The following IL1RAPL1 variants were observed in gnomAD, a reference collection of about 807,000 sequenced individuals.
IL1RAPL1 encodes the protein interleukin-1 receptor accessory protein-like 1.
In IL1RAPL1, 3 loss-of-function variants were observed where a neutral mutation model predicts 48.4. The ratio of observed to expected loss-of-function variants is 0.06; its 90% confidence interval spans 0.03 to 0.16. The LOEUF is 0.16. Among genes scored for constraint, IL1RAPL1 ranks in the 10% least tolerant of loss-of-function variants. The probability of loss-of-function intolerance (pLI) is 1.00; values close to 1 mark genes in which losing one functional copy is unlikely to be tolerated. For missense variants in IL1RAPL1, 349 were observed against 530.6 expected (o/e 0.66, Z 3.36); for synonymous variants, 185 against 187.7 (o/e 0.99, Z 0.12).
At chrX:29,094,597 A>T (rs1928164179) in intron 2 of IL1RAPL1, among the ~76,000 whole-genome samples, 1 of 15,575 alleles carries the variant, frequency 6.4e-5, no homozygotes, top group Admixed American at 5.3e-4. Context: ...ATCTCTACTT[A>T]AAAAAAAAAA....
At chrX:28,848,462 G>A (rs1233727836) in intron 2 of IL1RAPL1, among the ~76,000 whole-genome samples, 1 of 109,233 alleles carries the variant, frequency 9.2e-6, no homozygotes, top group Non-Finnish European at 1.9e-5. Context: ...TTTCTCAACT[G>A]TGTATTTTAA....
chrX:28,651,118 A>G (rs1401584288), intron 1 of IL1RAPL1, among the ~76,000 whole-genome samples: 3 of 112,272 alleles, frequency 2.7e-5, no homozygotes, highest in Admixed American at 9.5e-5. Context: ...TATAAGCGGT[A>G]TATGAAACAT....
At chrX:29,293,537 A>C (rs1475785549) in intron 3 of IL1RAPL1, among the ~76,000 whole-genome samples, 3 of 111,716 alleles carry the variant, frequency 2.7e-5, no homozygotes, top group Non-Finnish European at 3.8e-5. Flanking sequence ...AATTAGGTGC[A>C]TAAAGTCCAA....
At chrX:29,534,784 C>T (rs921746664) in intron 5 of IL1RAPL1, among the ~76,000 whole-genome samples, 2 of 109,920 alleles carry the variant, frequency 1.8e-5, no homozygotes, top group African/African-American at 3.3e-5. Flanking sequence ...CTGGCTAACA[C>T]GGTGAAACCC....
At chrX:29,151,425 T>C (rs1433314994) in intron 2 of IL1RAPL1, among the ~76,000 whole-genome samples, 1 of 111,997 alleles carries the variant, frequency 8.9e-6, no homozygotes, top group African/African-American at 3.2e-5. Flanking sequence ...TGGCTTGGAC[T>C]CCTTACATGC....
intron 5 of IL1RAPL1, among the ~76,000 whole-genome samples, chrX:29,430,377 A>T (rs1934405810): frequency 9.0e-6 from 1 of 111,258 alleles, no homozygotes; most frequent in Admixed American, 9.6e-5. Flanking sequence ...TGAAATGGAC[A>T]GGCCTCTTCT....
At chrX:29,670,240 CTT>C (rs2147100730) in intron 6 of IL1RAPL1, among the ~76,000 whole-genome samples, 1 of 111,596 alleles carries the variant, frequency 9.0e-6, no homozygotes, top group East Asian at 2.8e-4. Flanking sequence ...TTTACCTTCT[CTT>C]GAACAAAGTC....
At chrX:28,793,685 T>C (rs1354395843) in intron 2 of IL1RAPL1, among the ~76,000 whole-genome samples, 3 of 111,374 alleles carry the variant, frequency 2.7e-5, no homozygotes, top group Non-Finnish European at 5.7e-5. Context: ...GTTGAAGGAC[T>C]GTTATGGACA....
chrX:29,569,334 ATTAT>A (rs1459044635), intron 5 of IL1RAPL1, among the ~76,000 whole-genome samples: 10 of 111,031 alleles, frequency 9.0e-5, no homozygotes, highest in Non-Finnish European at 1.7e-4. Context: ...TCTTAATATG[ATTAT>A]GGCTCCAATC....
At chrX:28,832,363 G>C (rs1034494361) in intron 2 of IL1RAPL1, among the ~76,000 whole-genome samples, 1 of 111,319 alleles carries the variant, frequency 9.0e-6, no homozygotes, top group Non-Finnish European at 1.9e-5. Context: ...TTAAGTATTT[G>C]AAGAAATTCA....
chrX:29,566,993 TCTAA>T lies in IL1RAPL1; in HGVS notation c.704-101434_704-101431del, dbSNP rs763850345. The stretch of plus-strand genomic sequence containing the variant: ...ATAGCTTTTGAAGCTCCAACATAGA[TCTAA>T]CTGATTATTCATAAGAAATTAATAA... On this transcript the variant is annotated intron_variant, in intron 5 of 10. Coordinates refer to ENST00000378993, the MANE Select transcript of IL1RAPL1 (RefSeq NM_014271.4). Among the ~76,000 whole-genome samples the T allele has an allele frequency of 9.5e-4, 105 of 110,974 alleles. 1 individual carries two copies. Among genetic ancestry groups the T allele is most frequent in the African/African-American group, 3.3e-3 (102 of 30,676 alleles).
At chrX:28,814,421 C>T (rs767288800) in intron 2 of IL1RAPL1, among the ~76,000 whole-genome samples, 2 of 107,198 alleles carry the variant, frequency 1.9e-5, no homozygotes, top group East Asian at 3.0e-4. Flanking sequence ...AAACTGATTT[C>T]ACAAGTTTTG....
At chrX:29,400,549 G>A (rs930200516) in intron 5 of IL1RAPL1, among the ~76,000 whole-genome samples, 2 of 111,708 alleles carry the variant, frequency 1.8e-5, no homozygotes, top group Non-Finnish European at 3.8e-5. Context: ...TGACTTTTGT[G>A]TATGATCATA....
intron 8 of IL1RAPL1, among the ~76,000 whole-genome samples, chrX:29,927,219 C>G (rs369526637): frequency 8.9e-6 from 1 of 111,794 alleles, no homozygotes; most frequent in East Asian, 2.8e-4. Context: ...GTCTGTGGAC[C>G]GCAGCTGGCA....
intron 3 of IL1RAPL1, among the ~76,000 whole-genome samples, chrX:29,343,638 G>A (rs914885963): frequency 8.9e-6 from 1 of 111,768 alleles, no homozygotes; most frequent in Admixed American, 9.6e-5. Flanking sequence ...TGGAGATATG[G>A]TTAAAAACAA....
chrX:28,701,620 A>T (rs1390443592), intron 1 of IL1RAPL1, among the ~76,000 whole-genome samples: 2 of 111,902 alleles, frequency 1.8e-5, no homozygotes, highest in Non-Finnish European at 3.8e-5. Context: ...AAAATGTGTA[A>T]ATCTAAAGAC....
At chrX:28,624,337 T>A (rs1208491393) in intron 1 of IL1RAPL1, among the ~76,000 whole-genome samples, 3 of 111,823 alleles carry the variant, frequency 2.7e-5, no homozygotes, top group African/African-American at 9.8e-5. Flanking sequence ...CAACATCTTA[T>A]GTCCCACAGC....
At chrX:29,769,426 A>ATTTTTTTT (rs1928993625) in intron 6 of IL1RAPL1, among the ~76,000 whole-genome samples, 1 of 46,441 alleles carries the variant, frequency 2.2e-5, no homozygotes, top group African/African-American at 1.1e-4. Context: ...ACTGCCAAAC[A>ATTTTTTTT]GTTTTTTTTT....
chrX:29,088,680 A>G (rs1279565282), intron 2 of IL1RAPL1, among the ~76,000 whole-genome samples: 1 of 107,846 alleles, frequency 9.3e-6, no homozygotes, highest in African/African-American at 3.3e-5. Context: ...CTCAAAAAAA[A>G]AAAAAAAAAA....
Sources: gnomAD v4.1 joint callset for allele counts (sites outside exome capture counted in the v4.1 genomes callset) on GRCh38, gnomAD v4.1.1 for gene constraint, MANE v1.5 for transcripts, NCBI Gene and HGNC (gene_info 2026-07-23, HGNC 2026-07-21) for gene names.